The following SPOCK1 variants were observed in gnomAD, a reference collection of about 807,000 sequenced individuals.
SPOCK1 encodes the protein testican-1.
A neutral mutation model predicts 55.3 loss-of-function variants in SPOCK1; 23 were observed. The observed-to-expected ratio is 0.42, with a 90% confidence interval of 0.30 to 0.59. The LOEUF is 0.59. SPOCK1 is among the 20% of genes least tolerant of loss of function. The pLI, the probability that SPOCK1 is intolerant of heterozygous loss-of-function variation, is 0.22. For synonymous variants in SPOCK1, 226 were observed against 221.0 expected, an observed-to-expected ratio of 1.02 and a Z score of -0.20; for missense variants, 499 against 552.5, an observed-to-expected ratio of 0.90 and a Z score of 0.97.
chr5:137,476,742 T>C (rs1045215823), intron 2 of SPOCK1, among the ~76,000 whole-genome samples: 2 of 152,118 alleles, frequency 1.3e-5, no homozygotes, highest in African/African-American at 2.4e-5. Flanking sequence ...CTGGCCAATA[T>C]GGTGAAACAC....
In SPOCK1 at chr5:137,344,778, G is replaced by A. The variant is rs138228858; in HGVS notation, c.187-77723C>T. ...TAAACGCAGGTTTCTGGATTCTACCGACAGAGATTGTTTCAGTTGGTCTGA... is the reference window on the plus strand; with the variant it reads ...TAAACGCAGGTTTCTGGATTCTACCAACAGAGATTGTTTCAGTTGGTCTGA... On this transcript the variant is annotated intron_variant, in intron 2 of 10. Coordinates refer to ENST00000394945, the MANE Select transcript of SPOCK1 (RefSeq NM_004598.4). Among the ~76,000 whole-genome samples the A allele has an allele frequency of 2.3e-4, 35 of 152,298 alleles. No homozygotes were observed. The East Asian group carries it at 5.8e-3, about 25-fold the overall frequency.
chr5:137,452,541 T>C (rs1325105263), intron 2 of SPOCK1, among the ~76,000 whole-genome samples: 1 of 152,236 alleles, frequency 6.6e-6, no homozygotes, highest in Non-Finnish European at 1.5e-5. Flanking sequence ...AACTCATCTT[T>C]TTAATTTGAA....
intron 5 of SPOCK1, among the ~76,000 whole-genome samples, chr5:137,080,303 T>C (rs1175265905): frequency 6.6e-6 from 1 of 152,218 alleles, no homozygotes; most frequent in Non-Finnish European, 1.5e-5. Context: ...TTCTAAAGTC[T>C]GTGCTCTTAA....
At chr5:137,170,483 T>A (rs1017348008) in intron 3 of SPOCK1, among the ~76,000 whole-genome samples, 3 of 152,096 alleles carry the variant, frequency 2.0e-5, no homozygotes, top group African/African-American at 7.2e-5. Context: ...TATTTGGAGA[T>A]GGGGACTTTG....
intron 2 of SPOCK1, among the ~76,000 whole-genome samples, chr5:137,487,736 A>G (rs1754090939): frequency 6.6e-6 from 1 of 152,164 alleles, no homozygotes; most frequent in African/African-American, 2.4e-5. Flanking sequence ...TCCCACATCA[A>G]TTCCACTGTG....
In SPOCK1 at chr5:137,108,555, C is replaced by G. The variant is rs140484457; in HGVS notation, c.474+3880G>C. On this transcript the variant is annotated intron_variant, in intron 5 of 10. Coordinates refer to ENST00000394945, the MANE Select transcript of SPOCK1 (RefSeq NM_004598.4). ...AGATACCCAGGCAGGAGACCATGGG[C>G]GTAAAACTCCCACTATCCTTGTCTT... Among the ~76,000 whole-genome samples, 8 of 152,230 alleles carry G rather than the reference C, an allele frequency of 5.3e-5. No individual in the cohort carries two copies. In the East Asian group the frequency reaches 1.5e-3, roughly 29 times the overall value.
intron 2 of SPOCK1, among the ~76,000 whole-genome samples, chr5:137,303,510 C>A (rs372821519): frequency 6.6e-6 from 1 of 152,152 alleles, no homozygotes; most frequent in South Asian, 2.1e-4. Flanking sequence ...CTCATTTTTG[C>A]GTTTGCTATT....
At chr5:137,356,873 A>AGAGAGAGAGAGAGAGAGAGAGAGAGAGT (rs796667572) in intron 2 of SPOCK1, among the ~76,000 whole-genome samples, 13 of 69,822 alleles carry the variant, frequency 1.9e-4, no homozygotes, top group East Asian at 5.8e-4. Flanking sequence ...AGAGAGAGAG[A>AGAGAGAGAGAGAGAGAGAGAGAGAGAGT]GAGTATGCAG....
chr5:137,202,401 C>T (rs768838419), intron 3 of SPOCK1, among the ~76,000 whole-genome samples: 1 of 152,148 alleles, frequency 6.6e-6, no homozygotes, highest in Non-Finnish European at 1.5e-5. Context: ...AGGTTTCATG[C>T]AACATGACAA....
intron 3 of SPOCK1, among the ~76,000 whole-genome samples, chr5:137,186,604 A>G (rs923874060): frequency 9.9e-5 from 15 of 152,230 alleles, no homozygotes; most frequent in African/African-American, 3.4e-4. Flanking sequence ...TTGTGTCTTT[A>G]TGAAATTTCA....
In SPOCK1 at chr5:137,494,740, T is replaced by C. The variant is rs544417445; in HGVS notation, c.186+3633A>G. On this transcript the variant is annotated intron_variant, in intron 2 of 10. Coordinates refer to ENST00000394945, the MANE Select transcript of SPOCK1 (RefSeq NM_004598.4). ...AGGTTACATGAAAGAAGAGATTACA[T>C]GTATTTATCTTGTTCACTCTTATAA... 3.9e-5 allele frequency among the ~76,000 whole-genome samples: 6 copies of C among 152,372 alleles called. No homozygotes were observed. In the South Asian group the frequency reaches 1.2e-3, roughly 32 times the overall value.
At chr5:137,432,962 T>G (rs1447941267) in intron 2 of SPOCK1, among the ~76,000 whole-genome samples, 2 of 152,164 alleles carry the variant, frequency 1.3e-5, no homozygotes, top group Non-Finnish European at 2.9e-5. Flanking sequence ...TAAAAGGCAT[T>G]TCATCCATGC....
intron 2 of SPOCK1, among the ~76,000 whole-genome samples, chr5:137,357,094 T>C (rs1465966633): frequency 6.6e-6 from 1 of 151,796 alleles, no homozygotes; most frequent in African/African-American, 2.4e-5. Context: ...AACTGGTTTC[T>C]GCTCTCCCAT....
intron 6 of SPOCK1, among the ~76,000 whole-genome samples, chr5:136,996,705 A>G (rs1024817437): frequency 2.6e-5 from 4 of 152,168 alleles, no homozygotes; most frequent in Non-Finnish European, 5.9e-5. Context: ...TGTACCAATC[A>G]GCACTCTGTA....
At chr5:137,296,411 G>A (rs192009920) in intron 2 of SPOCK1, among the ~76,000 whole-genome samples, 1 of 152,324 alleles carries the variant, frequency 6.6e-6, no homozygotes, top group African/African-American at 2.4e-5. Context: ...CACGAGTGAT[G>A]AGCAAAGCAG....
chr5:137,130,319 C>A (rs1278952029), intron 4 of SPOCK1, among the ~76,000 whole-genome samples: 1 of 152,134 alleles, frequency 6.6e-6, no homozygotes, highest in Non-Finnish European at 1.5e-5. Context: ...GTAGACTATG[C>A]CCACTCATCA....
At chr5:137,267,350 T>TG in intron 2 of SPOCK1, among the ~76,000 whole-genome samples, 1 of 152,306 alleles carries the variant, frequency 6.6e-6, no homozygotes. Flanking sequence ...ACCTTCTAGG[T>TG]GCAAGGTGTA....
chr5:137,387,811 T>C (rs958784875), intron 2 of SPOCK1, among the ~76,000 whole-genome samples: 7 of 152,188 alleles, frequency 4.6e-5, no homozygotes, highest in African/African-American at 1.7e-4. Context: ...ACGGGCTATA[T>C]GGGAAATCTC....
At chr5:137,379,337 CATA>C (rs1476820192) in intron 2 of SPOCK1, among the ~76,000 whole-genome samples, 1 of 152,094 alleles carries the variant, frequency 6.6e-6, no homozygotes, top group African/African-American at 2.4e-5. Context: ...AGAGTTTCAT[CATA>C]ATGATTCTAT....
Sources: gnomAD v4.1 joint callset for allele counts (sites outside exome capture counted in the v4.1 genomes callset) on GRCh38, gnomAD v4.1.1 for gene constraint, MANE v1.5 for transcripts, NCBI Gene and HGNC (gene_info 2026-07-23, HGNC 2026-07-21) for gene names.